The following IQGAP2 variants were observed in gnomAD, a reference collection of about 807,000 sequenced individuals.
The protein encoded by IQGAP2 is IQ motif containing GTPase activating protein 2.
A neutral mutation model predicts 201.3 loss-of-function variants in IQGAP2; 173 were observed. That is an observed-to-expected ratio of 0.86 (90% CI 0.76 to 0.98). IQGAP2 has a LOEUF of 0.98. IQGAP2 is among the 50% of genes least tolerant of loss of function. The probability of loss-of-function intolerance (pLI) is 0.00; values close to 1 mark genes in which losing one functional copy is unlikely to be tolerated. For synonymous variants in IQGAP2, 675 were observed against 673.9 expected (o/e 1.00, Z -0.03); for missense variants, 1,687 against 1,864.8 (o/e 0.90, Z 1.76).
At position 76,671,936 on chromosome 5, in the gene IQGAP2, G is replaced by A; in HGVS notation, c.3021G>A (p.Val1007=). The A allele has an allele frequency of 6.2e-7, 1 of 1,614,118 alleles. No individual in the cohort carries two copies. The highest frequency in any genetic ancestry group is 8.5e-7 in the Non-Finnish European group (1 of 1,179,988). Residue 1007 remains valine, a synonymous_variant, in exon 24 of 36, where the codon GTG becomes GTA. Coordinates refer to ENST00000274364, the MANE Select transcript of IQGAP2 (RefSeq NM_006633.5). ...TTATCAACACAAACCCTGTAGAGGT[G>A]TACAAGGCTTGGGTGAACCAACTAG... is the stretch of plus-strand genomic sequence containing the variant. The part of the protein sequence containing the change: ...SLIINTNPVE[V]YKAWVNQLET...
chr5:76,665,009 C>T lies in IQGAP2; in HGVS notation c.2530-17C>T. On this transcript the variant is annotated splice_polypyrimidine_tract_variant and intron_variant, in intron 21 of 35. Coordinates refer to ENST00000274364, the MANE Select transcript of IQGAP2 (RefSeq NM_006633.5). ...TATGAGAATTAAAAAGGAGTAATCT[C>T]ATCAAATTTTTTACAGGATGTAATT... 7.1e-7 allele frequency: 1 copy of T among 1,414,710 alleles called. No individual in the cohort carries two copies. The allele number at this position is 1,414,710 out of a possible 1,614,324, so 87.6% of individuals were successfully genotyped here.
Position 76,575,726 on chromosome 5 carries a change from C to G in IQGAP2, c.415C>G (p.Arg139Gly). ...FYPETTDVYDRKNIPRMIYCI... is the reference protein window; with the variant it reads ...FYPETTDVYDGKNIPRMIYCI... ...TCCAGAAACAACAGATGTCTATGAT[C>G]GGAAAAACATACCAAGAATGATATA... is the stretch of plus-strand genomic sequence containing the variant. Residue 139 changes from arginine to glycine, a missense_variant, in exon 5 of 36, where the codon CGG becomes GGG. Transcript: ENST00000274364. 1 of 1,592,116 alleles carries G rather than the reference C, an allele frequency of 6.3e-7. No individual in the cohort carries two copies. Among genetic ancestry groups the G allele is most frequent in the East Asian group, 2.3e-5 (1 of 44,068 alleles).
chr5:76,594,854 T>C (rs1746902736), intron 9 of IQGAP2, among the ~76,000 whole-genome samples: 2 of 151,900 alleles, frequency 1.3e-5, no homozygotes, highest in Non-Finnish European at 2.9e-5. Context: ...TAATCCCAGC[T>C]ACTTGGGAGG....
At chr5:76,539,558 GAT>G in intron 2 of IQGAP2, among the ~76,000 whole-genome samples, 1 of 152,262 alleles carries the variant, frequency 6.6e-6, no homozygotes, top group Non-Finnish European at 1.5e-5. Context: ...CTCTCCTAGT[GAT>G]TCTCTTGGAA....
intron 9 of IQGAP2, among the ~76,000 whole-genome samples, chr5:76,595,962 A>G (rs1747006992): frequency 6.6e-6 from 1 of 152,208 alleles, no homozygotes; most frequent in Non-Finnish European, 1.5e-5. Flanking sequence ...ACCACAAACA[A>G]CCACTAGCCT....
chr5:76,475,494 C>G (rs1194570568), intron 2 of IQGAP2, among the ~76,000 whole-genome samples: 1 of 152,132 alleles, frequency 6.6e-6, no homozygotes, highest in African/African-American at 2.4e-5. Context: ...ATTCCTGCAT[C>G]CCACATTCTC....
chr5:76,584,293 T>G (rs1430609832), intron 5 of IQGAP2, among the ~76,000 whole-genome samples: 2 of 152,178 alleles, frequency 1.3e-5, no homozygotes, highest in African/African-American at 4.8e-5. Context: ...TCTTATCCCC[T>G]TTCCAAAACT....
At chr5:76,689,409 G>T (rs933898017) in intron 30 of IQGAP2, among the ~76,000 whole-genome samples, 2 of 152,044 alleles carry the variant, frequency 1.3e-5, no homozygotes, top group East Asian at 3.9e-4. Context: ...GAAAGGAAGG[G>T]CTATGATGAT....
chr5:76,611,498 T>C (rs1748409625), intron 13 of IQGAP2, among the ~76,000 whole-genome samples: 1 of 152,186 alleles, frequency 6.6e-6, no homozygotes, highest in African/African-American at 2.4e-5. Flanking sequence ...TAGCTTCTGG[T>C]AGAGAAGATG....
At chr5:76,704,754 G>C (rs984486048) in intron 35 of IQGAP2, among the ~76,000 whole-genome samples, 1 of 152,224 alleles carries the variant, frequency 6.6e-6, no homozygotes, top group Non-Finnish European at 1.5e-5. Context: ...TTTGATAGCT[G>C]TCAGATGTAA....
At chr5:76,496,809 C>G (rs1346147776) in intron 2 of IQGAP2, among the ~76,000 whole-genome samples, 1 of 111,508 alleles carries the variant, frequency 9.0e-6, no homozygotes, top group Non-Finnish European at 1.8e-5. Flanking sequence ...CTTTCTTTCT[C>G]TTTCTTTCTT....
chr5:76,590,651 C>T (rs1746581908), intron 8 of IQGAP2, 65 bp downstream of exon 8: 3 of 1,257,842 alleles, frequency 2.4e-6, no homozygotes, highest in Non-Finnish European at 3.3e-6. Context: ...TTTGAAAAGC[C>T]TTAATGTTGA....
intron 2 of IQGAP2, among the ~76,000 whole-genome samples, chr5:76,561,818 A>G (rs534373955): frequency 1.3e-5 from 2 of 152,314 alleles, no homozygotes; most frequent in Admixed American, 6.5e-5. Context: ...CCCAAAAAAG[A>G]TAAGTGTGTT....
At position 76,425,758 on chromosome 5, in the gene IQGAP2, G is replaced by A. The variant is rs147120395; in HGVS notation, c.46+22167G>A. On this transcript the variant is annotated intron_variant, in intron 1 of 35. Coordinates refer to ENST00000274364, the MANE Select transcript of IQGAP2 (RefSeq NM_006633.5). ...GGTCCCAGGTAGACATTGTTGATGGGATGAATTGCCAATAATCATTTTGCT... is the reference window on the plus strand; with the variant it reads ...GGTCCCAGGTAGACATTGTTGATGGAATGAATTGCCAATAATCATTTTGCT... Among the ~76,000 whole-genome samples, 63 of 152,318 alleles carry A rather than the reference G, an allele frequency of 4.1e-4. No homozygotes were observed. The East Asian group carries it at 0.011, about 27-fold the overall frequency.
At chr5:76,518,659 G>A (rs1027156637) in intron 2 of IQGAP2, among the ~76,000 whole-genome samples, 4 of 152,162 alleles carry the variant, frequency 2.6e-5, no homozygotes, top group African/African-American at 9.7e-5. Flanking sequence ...GGCAGTAATT[G>A]AACGGAGGTT....
chr5:76,485,718 T>C (rs934900982), intron 2 of IQGAP2, among the ~76,000 whole-genome samples: 3 of 152,114 alleles, frequency 2.0e-5, no homozygotes, highest in African/African-American at 7.2e-5. Context: ...AGATCCTGAG[T>C]GTGTCATCCT....
At chr5:76,664,879 C>T (rs1230662922) in intron 21 of IQGAP2, 147 bp from the exon 22 acceptor site, 11 of 537,990 alleles carry the variant, frequency 2.0e-5, no homozygotes, top group Non-Finnish European at 3.3e-5. Flanking sequence ...AAAAAAAATG[C>T]GGTATCTGTG....
chr5:76,411,860 G>A (rs1751138849), intron 1 of IQGAP2, among the ~76,000 whole-genome samples: 1 of 152,198 alleles, frequency 6.6e-6, no homozygotes, highest in East Asian at 1.9e-4. Flanking sequence ...GATTTCAGCT[G>A]GAAGTGAGGC....
chr5:76,565,744 T>C (rs1484815334), intron 3 of IQGAP2, among the ~76,000 whole-genome samples: 2 of 152,200 alleles, frequency 1.3e-5, no homozygotes, highest in African/African-American at 2.4e-5. Flanking sequence ...GCCAAAGGAT[T>C]CCATTCCTTT....
Sources: allele counts gnomAD v4.1 joint callset (sites outside exome capture counted in the v4.1 genomes callset), GRCh38; gene constraint gnomAD v4.1.1; transcripts MANE v1.5; gene names NCBI Gene and HGNC (gene_info 2026-07-23, HGNC 2026-07-21).